Variants in HHAT observed in about 807,000 individuals in gnomAD.
The protein encoded by HHAT is protein-cysteine N-palmitoyltransferase HHAT.
In HHAT, 47 loss-of-function variants were observed where a neutral mutation model predicts 70.8. The ratio of observed to expected loss-of-function variants is 0.66; its 90% CI spans 0.53 to 0.85. The LOEUF (loss-of-function observed/expected upper bound fraction) is 0.85. HHAT is among the 40% of genes least tolerant of loss of function. HHAT has a pLI of 0.00. For synonymous variants in HHAT, 228 were observed against 247.6 expected (o/e 0.92, Z 0.74); for missense variants, 609 against 604.8 (o/e 1.01, Z -0.07).
intron 11 of HHAT, chr1:210,631,312 T>G (rs945338342): frequency 5.6e-6 from 2 of 355,722 alleles, no homozygotes; most frequent in African/African-American, 4.3e-5. Context: ...CTAAAGTGCC[T>G]GGTTAATTGT....
At chr1:210,655,021 G>A (rs115228732) in intron 11 of HHAT, among the ~76,000 whole-genome samples, 142 of 152,268 alleles carry the variant, frequency 9.3e-4, no homozygotes, top group Middle Eastern at 3.4e-3. Flanking sequence ...TCCACGTCCC[G>A]AACTGACCCA....
At chr1:210,471,214 C>T (rs1474947295) in intron 8 of HHAT, among the ~76,000 whole-genome samples, 1 of 152,100 alleles carries the variant, frequency 6.6e-6, no homozygotes, top group Non-Finnish European at 1.5e-5. Flanking sequence ...TGTACCATGA[C>T]TGCTTGTTGA....
chr1:210,630,069 C>A (rs987925152), intron 11 of HHAT, among the ~76,000 whole-genome samples: 1 of 152,144 alleles, frequency 6.6e-6, no homozygotes, highest in Non-Finnish European at 1.5e-5. Context: ...TCTTGAACTC[C>A]TGACCTCATG....
At chr1:210,473,744 T>C (rs1051384638) in intron 8 of HHAT, among the ~76,000 whole-genome samples, 3 of 152,202 alleles carry the variant, frequency 2.0e-5, no homozygotes, top group African/African-American at 7.2e-5. Flanking sequence ...GACTGTCCTC[T>C]TCTTCTCTTC....
chr1:210,674,169 T>G (rs1388497415), intron 11 of HHAT, 119 bp from the exon 12 acceptor site: 15 of 766,376 alleles, frequency 2.0e-5, no homozygotes, highest in Non-Finnish European at 3.2e-5. Flanking sequence ...CAGCAGACTT[T>G]CCTGGAGGCC....
chr1:210,577,656 TTTTTTTTTC>T (rs1411156368), intron 9 of HHAT, among the ~76,000 whole-genome samples: 52 of 129,526 alleles, frequency 4.0e-4, no homozygotes, highest in African/African-American at 1.1e-3. Context: ...TTTTTTTTTT[TTTTTTTTTC>T]GAAATGGAGT....
intron 9 of HHAT, among the ~76,000 whole-genome samples, chr1:210,568,205 A>G (rs1042378433): frequency 1.3e-5 from 2 of 152,274 alleles, no homozygotes; most frequent in Non-Finnish European, 2.9e-5. Flanking sequence ...GTAATGATGA[A>G]CTTCCAGATA....
chr1:210,440,665 A>G (rs1572455728), intron 7 of HHAT, among the ~76,000 whole-genome samples: 1 of 151,816 alleles, frequency 6.6e-6, no homozygotes, highest in Non-Finnish European at 1.5e-5. Context: ...TCTTGGCTTC[A>G]GTGGTTGCTT....
intron 9 of HHAT, among the ~76,000 whole-genome samples, chr1:210,574,065 T>C (rs1300400720): frequency 6.6e-6 from 1 of 152,126 alleles, no homozygotes; most frequent in African/African-American, 2.4e-5. Flanking sequence ...TGATGTAAGG[T>C]GAGGAATCCT....
In HHAT at chr1:210,674,686, C is replaced by T; in HGVS notation, c.*307C>T. 3.6e-6 allele frequency: 1 copy of T among 280,180 alleles called. No individual in the cohort carries two copies. The highest frequency in any genetic ancestry group is 1.3e-4 in the South Asian group (1 of 7,746). 17.4% of individuals were successfully genotyped at this position (280,180 alleles called of 1,614,324 possible). On this transcript the variant is annotated 3_prime_UTR_variant, in exon 12 of 12. Coordinates refer to ENST00000261458, the MANE Select transcript of HHAT (RefSeq NM_018194.6). The stretch of plus-strand genomic sequence containing the variant: ...TGGTCTAGAACCTAGTCTCATGAGC[C>T]CTTTGCATTCTTTCCCCTTAAGCAA...
intron 6 of HHAT, among the ~76,000 whole-genome samples, chr1:210,406,543 C>G (rs1348029895): frequency 6.6e-6 from 1 of 152,004 alleles, no homozygotes; most frequent in African/African-American, 2.4e-5. Flanking sequence ...CAGGCATGCA[C>G]CAGCAAGTCC....
At chr1:210,485,758 C>T (rs2094464916) in intron 8 of HHAT, among the ~76,000 whole-genome samples, 1 of 152,090 alleles carries the variant, frequency 6.6e-6, no homozygotes, top group South Asian at 2.1e-4. Flanking sequence ...GAGACTCAGT[C>T]ACCACCATAA....
At chr1:210,412,251 T>A (rs1033172548) in intron 6 of HHAT, among the ~76,000 whole-genome samples, 1 of 152,174 alleles carries the variant, frequency 6.6e-6, no homozygotes, top group African/African-American at 2.4e-5. Context: ...AAACATTCAA[T>A]TAATAATATT....
chr1:210,466,122 C>T lies in HHAT; in HGVS notation c.1007+1467C>T, dbSNP rs150385784. Among the ~76,000 whole-genome samples, 334 of 143,624 alleles carry T rather than the reference C, an allele frequency of 2.3e-3. 4 individuals carry two copies. Among genetic ancestry groups the T allele is most frequent in the African/African-American group, 8.5e-3 (319 of 37,462 alleles). 94.2% of individuals were successfully genotyped at this position (143,624 alleles called of 152,430 possible). ...GGAATTGCAAGGAATCGCAAGGAAT[C>T]GCAAGGAATGAATTGCAAGGAATCG... is the stretch of plus-strand genomic sequence containing the variant. On this transcript the variant is annotated intron_variant, in intron 8 of 11. Coordinates refer to ENST00000261458, the MANE Select transcript of HHAT (RefSeq NM_018194.6).
At chr1:210,380,402 A>G (rs991211927) in intron 3 of HHAT, among the ~76,000 whole-genome samples, 17 of 152,088 alleles carry the variant, frequency 1.1e-4, no homozygotes, top group African/African-American at 4.1e-4. Context: ...TTAGTTGGGC[A>G]TGGCAGTGTG....
intron 9 of HHAT, among the ~76,000 whole-genome samples, chr1:210,568,880 C>T (rs1348854712): frequency 6.6e-6 from 1 of 152,182 alleles, no homozygotes; most frequent in Non-Finnish European, 1.5e-5. Flanking sequence ...ACAGGTAAAA[C>T]AACTTGGGGC....
At chr1:210,345,533 C>T (rs1447995888) in intron 1 of HHAT, among the ~76,000 whole-genome samples, 1 of 152,166 alleles carries the variant, frequency 6.6e-6, no homozygotes, top group Non-Finnish European at 1.5e-5. Context: ...AAATAATGAT[C>T]TTACCTGTGC....
chr1:210,530,507 G>C (rs2095303511), intron 9 of HHAT, among the ~76,000 whole-genome samples: 1 of 152,202 alleles, frequency 6.6e-6, no homozygotes, highest in African/African-American at 2.4e-5. Flanking sequence ...ATGGGTGACA[G>C]TACCGGCAGG....
At chr1:210,446,821 G>A (rs549397857) in intron 7 of HHAT, among the ~76,000 whole-genome samples, 3 of 152,182 alleles carry the variant, frequency 2.0e-5, no homozygotes, top group Non-Finnish European at 4.4e-5. Context: ...GACAACCAGC[G>A]TTCTGCATCA....
Sources: gnomAD v4.1 joint callset for allele counts (sites outside exome capture counted in the v4.1 genomes callset) on GRCh38, gnomAD v4.1.1 for gene constraint, MANE v1.5 for transcripts, NCBI Gene and HGNC (gene_info 2026-07-23, HGNC 2026-07-21) for gene names.